Variants in FOXK1 observed in about 807,000 individuals in gnomAD.
FOXK1 encodes forkhead box protein K1.
Under a neutral mutation model 51.9 loss-of-function variants are expected in FOXK1, and 19 were observed. The ratio of observed to expected loss-of-function variants is 0.37; its 90% CI spans 0.26 to 0.54. The LOEUF is 0.54. Among genes scored for constraint, FOXK1 ranks in the 20% least tolerant of loss-of-function variants. The probability of loss-of-function intolerance (pLI) is 0.87; values close to 1 mark genes in which losing one functional copy is unlikely to be tolerated. For synonymous variants in FOXK1, 537 were observed against 482.6 expected, an observed-to-expected ratio of 1.11 and a Z score of -1.48; for missense variants, 870 against 1,032.7, an observed-to-expected ratio of 0.84 and a Z score of 2.16.
chr7:4,691,517 T>C (rs1384192062), intron 1 of FOXK1, among the ~76,000 whole-genome samples: 1 of 152,068 alleles, frequency 6.6e-6, no homozygotes, highest in Non-Finnish European at 1.5e-5. Context: ...GTATTTTTAG[T>C]GGAGACGGGG....
chr7:4,721,580 CTTTTTT>C (rs908969302), intron 1 of FOXK1, among the ~76,000 whole-genome samples: 2 of 135,694 alleles, frequency 1.5e-5, no homozygotes, highest in African/African-American at 5.8e-5. Flanking sequence ...TTTTCTTTTT[CTTTTTT>C]TTCTTTTTTT....
In FOXK1 at chr7:4,759,800, G is replaced by A; in HGVS notation, c.1696+205G>A. 6.1e-6 allele frequency: 4 copies of A among 651,802 alleles called. 1 individual carries two copies. The South Asian group carries it at 8.1e-5, about 13-fold the overall frequency. 40.4% of individuals were successfully genotyped at this position (651,802 alleles called of 1,614,324 possible). A position where few individuals can be genotyped will look rare whatever the true frequency, so the allele number is the denominator to read the frequency against. Reference sequence around the variant, plus strand: ...AATCCCAGTGCTTTGGGAGGCCAAAGCGGGTGGATTACTTGAGGTCCGGAG... The same window carrying A: ...AATCCCAGTGCTTTGGGAGGCCAAAACGGGTGGATTACTTGAGGTCCGGAG... On this transcript the variant is annotated intron_variant, in intron 7 of 8. Transcript: ENST00000328914.
intron 1 of FOXK1, among the ~76,000 whole-genome samples, chr7:4,702,191 A>T (rs955587118): frequency 6.6e-6 from 1 of 152,192 alleles, no homozygotes; most frequent in Non-Finnish European, 1.5e-5. Context: ...CACATGACAG[A>T]TAAAATTGAG....
At chr7:4,700,450 A>G (rs1219884572) in intron 1 of FOXK1, among the ~76,000 whole-genome samples, 1 of 152,202 alleles carries the variant, frequency 6.6e-6, no homozygotes, top group African/African-American at 2.4e-5. Flanking sequence ...GCCCATCTGT[A>G]AAGTGGGCAC....
intron 1 of FOXK1, among the ~76,000 whole-genome samples, chr7:4,686,853 G>A (rs999846492): frequency 1.5e-4 from 22 of 151,132 alleles, no homozygotes; most frequent in African/African-American, 4.9e-4. Context: ...AGCCTTCTTC[G>A]GTTATGGGGA....
At chr7:4,684,336 G>A (rs559416134) in intron 1 of FOXK1, among the ~76,000 whole-genome samples, 2 of 152,192 alleles carry the variant, frequency 1.3e-5, no homozygotes, top group African/African-American at 2.4e-5. Context: ...TAATTCCCAG[G>A]GCCCAAAGTT....
intron 1 of FOXK1, among the ~76,000 whole-genome samples, chr7:4,737,469 TGTGTGCGTGGGTGTGGGC>T (rs987236068): frequency 8.0e-5 from 12 of 150,808 alleles, no homozygotes; most frequent in Non-Finnish European, 1.5e-4. Flanking sequence ...TGCATGTGTG[TGTGTGCGTGGGTGTGGGC>T]GTGTGCGTGG....
chr7:4,729,383 C>T lies in FOXK1; in HGVS notation c.561-11455C>T, dbSNP rs1243004383. Among the ~76,000 whole-genome samples, 1 of 152,160 alleles carries T rather than the reference C, an allele frequency of 6.6e-6. No homozygotes were observed. The highest frequency in any genetic ancestry group is 1.5e-5 in the Non-Finnish European group (1 of 68,026). ...CCGCAGAGTAAAGCTGTGGGAGTCA[C>T]CACGGGTCCCCATGTTGGGATTGGG... On this transcript the variant is annotated intron_variant, in intron 1 of 8. Coordinates refer to ENST00000328914, the MANE Select transcript of FOXK1 (RefSeq NM_001037165.2). The surrounding 1 kb of genome is among the most constrained non-coding windows in gnomAD (Gnocchi z 6.2).
intron 1 of FOXK1, among the ~76,000 whole-genome samples, chr7:4,685,049 T>A (rs1470837557): frequency 6.6e-6 from 1 of 152,034 alleles, no homozygotes; most frequent in African/African-American, 2.4e-5. Context: ...GCATTAGATG[T>A]GCGTGAAGTG....
In FOXK1 at chr7:4,747,238, G is replaced by A. The variant is rs770351437; in HGVS notation, c.746+6215G>A. On this transcript the variant is annotated intron_variant, in intron 2 of 8. Transcript: ENST00000328914. This position sits in a 1 kb window ranked among gnomAD's most constrained non-coding sequence, Gnocchi z 9.2. ...TAGGCCTGTTGCATGGCTTCTGTGC[G>A]GGCATGTTACGCACGAGGACAGCCC... is the stretch of plus-strand genomic sequence containing the variant. 1.3e-4 allele frequency among the ~76,000 whole-genome samples: 20 copies of A among 152,128 alleles called. No individual in the cohort carries two copies. The highest frequency in any genetic ancestry group is 2.4e-4 in the Non-Finnish European group (16 of 68,014).
chr7:4,740,694 A>T, intron 1 of FOXK1, 144 bp from the exon 2 acceptor site: 1 of 718,378 alleles, frequency 1.4e-6, no homozygotes, highest in South Asian at 1.9e-5. Context: ...GTGTCCTGAT[A>T]AAAGCATCGA....
At chr7:4,701,496 C>A (rs943400603) in intron 1 of FOXK1, among the ~76,000 whole-genome samples, 1 of 152,146 alleles carries the variant, frequency 6.6e-6, no homozygotes, top group African/African-American at 2.4e-5. Context: ...TGGCTCACAC[C>A]AGTAATCCCA....
In FOXK1 at chr7:4,766,215, CAGTCGGGCCG is replaced by C. The variant is rs1235380099; in HGVS notation, c.*3755_*3764del. On this transcript the variant is annotated 3_prime_UTR_variant, in exon 9 of 9. Transcript: ENST00000328914. The surrounding 1 kb of genome is among the most constrained non-coding windows in gnomAD (Gnocchi z 5.5). ...AAAAACCTCAACGTTAATCCCTCAC[CAGTCGGGCCG>C]AGTGTGGCCTCATGGTTCTGCCGCG... 6.6e-6 allele frequency: 1 copy of C among 151,892 alleles called. No individual in the cohort carries two copies. Among genetic ancestry groups the C allele is most frequent in the Non-Finnish European group, 1.5e-5 (1 of 68,066 alleles). 9.4% of individuals were successfully genotyped at this position (151,892 alleles called of 1,614,324 possible).
intron 1 of FOXK1, among the ~76,000 whole-genome samples, chr7:4,698,248 T>G (rs1287073497): frequency 6.6e-6 from 1 of 152,164 alleles, no homozygotes; most frequent in Non-Finnish European, 1.5e-5. Context: ...TGCTCTGCCA[T>G]GTTTAGCGTT....
intron 2 of FOXK1, among the ~76,000 whole-genome samples, chr7:4,741,421 C>G (rs1277613848): frequency 6.6e-6 from 1 of 152,042 alleles, no homozygotes; most frequent in African/African-American, 2.4e-5. Flanking sequence ...CTCCACCTCC[C>G]GGGTTCAAGG....
chr7:4,691,363 C>T (rs1470484522), intron 1 of FOXK1, among the ~76,000 whole-genome samples: 1 of 152,180 alleles, frequency 6.6e-6, no homozygotes, highest in African/African-American at 2.4e-5. Context: ...TACAGAGAGC[C>T]TCCCTCTGTC....
chr7:4,766,518 T>A lies in FOXK1; in HGVS notation c.*4054T>A, dbSNP rs2115081927. 3.3e-5 allele frequency: 5 copies of A among 152,368 alleles called. 1 individual carries two copies. Among genetic ancestry groups the A allele is most frequent in the Admixed American group, 3.3e-4 (5 of 15,302 alleles). 9.4% of individuals were successfully genotyped at this position (152,368 alleles called of 1,614,324 possible). A position where few individuals can be genotyped will look rare whatever the true frequency, so the allele number is the denominator to read the frequency against. On this transcript the variant is annotated 3_prime_UTR_variant, in exon 9 of 9. Coordinates refer to ENST00000328914, the MANE Select transcript of FOXK1 (RefSeq NM_001037165.2). The surrounding 1 kb of genome is among the most constrained non-coding windows in gnomAD (Gnocchi z 5.5). ...TTATTTGTATCTCCCTTTTCTTTGA[T>A]TTAAGAACAATGCCAAGTGAAAAAG... is the stretch of plus-strand genomic sequence containing the variant.
In FOXK1 at chr7:4,756,070, T is replaced by A. The variant is rs1780847496; in HGVS notation, c.1050+687T>A. ...TGATGCATGTTGCATTTGCCTGTAT[T>A]TTCTCCAATGTCAGTGTAGCGCATC... On this transcript the variant is annotated intron_variant, in intron 4 of 8. Transcript: ENST00000328914. This position sits in a 1 kb window ranked among gnomAD's most constrained non-coding sequence, Gnocchi z 4.1. Among the ~76,000 whole-genome samples, 1 of 152,206 alleles carries A rather than the reference T, an allele frequency of 6.6e-6. No homozygotes were observed. The highest frequency in any genetic ancestry group is 1.5e-5 in the Non-Finnish European group (1 of 68,022).
Position 4,748,064 on chromosome 7 carries a change from A to G in FOXK1, c.747-6395A>G, listed in dbSNP as rs1039281062. Among the ~76,000 whole-genome samples, 4 of 152,340 alleles carry G rather than the reference A, an allele frequency of 2.6e-5. No homozygotes were observed. The highest frequency in any genetic ancestry group is 3.9e-4 in the East Asian group (2 of 5,188). On this transcript the variant is annotated intron_variant, in intron 2 of 8. Coordinates refer to ENST00000328914, the MANE Select transcript of FOXK1 (RefSeq NM_001037165.2). The surrounding 1 kb of genome is among the most constrained non-coding windows in gnomAD (Gnocchi z 4.9). ...TTAAAGGAACACATTCTTTAAGATCATTCTAAGAAATTCGCCTCTGAAAAT... is the reference window on the plus strand; with the variant it reads ...TTAAAGGAACACATTCTTTAAGATCGTTCTAAGAAATTCGCCTCTGAAAAT...
Sources: gnomAD v4.1 joint callset for allele counts (sites outside exome capture counted in the v4.1 genomes callset) on GRCh38, gnomAD v4.1.1 for gene constraint, Gnocchi (gnomAD v3.1) non-coding constraint, MANE v1.5 for transcripts, NCBI Gene and HGNC (gene_info 2026-07-23, HGNC 2026-07-21) for gene names.